FHIT: variants seen among roughly 807,000 people sequenced by gnomAD.
FHIT encodes the protein bis(5'-adenosyl)-triphosphatase.
Under a neutral mutation model 17.9 loss-of-function variants are expected in FHIT, and 19 were observed. That is an observed-to-expected ratio of 1.06 (90% CI 0.74 to 1.56). The LOEUF (loss-of-function observed/expected upper bound fraction) is 1.56. Among genes scored for constraint, FHIT ranks in the 40% most tolerant of loss-of-function variants. FHIT has a pLI of 0.00. For missense variants in FHIT, 248 were observed against 189.2 expected, an observed-to-expected ratio of 1.31 and a Z score of -1.82; for synonymous variants, 81 against 69.7, an observed-to-expected ratio of 1.16 and a Z score of -0.81.
At chr3:60,425,064 T>C (rs1040389066) in intron 5 of FHIT, among the ~76,000 whole-genome samples, 1 of 152,126 alleles carries the variant, frequency 6.6e-6, no homozygotes, top group African/African-American at 2.4e-5. Flanking sequence ...CCACATTAGC[T>C]GAACGTGCCT....
intron 5 of FHIT, among the ~76,000 whole-genome samples, chr3:60,245,116 G>C (rs1047969583): frequency 6.6e-6 from 1 of 152,022 alleles, no homozygotes; most frequent in South Asian, 2.1e-4. Flanking sequence ...CCCTAGGATA[G>C]AGAATATGGA....
intron 5 of FHIT, among the ~76,000 whole-genome samples, chr3:60,276,406 C>G (rs1186425708): frequency 1.3e-5 from 2 of 152,068 alleles, no homozygotes; most frequent in Non-Finnish European, 2.9e-5. Flanking sequence ...AAGCGTTTTT[C>G]TCAAAGCTGA....
chr3:60,560,573 T>C (rs994465860), intron 4 of FHIT, among the ~76,000 whole-genome samples: 2 of 151,960 alleles, frequency 1.3e-5, no homozygotes, highest in South Asian at 4.1e-4. Context: ...TGACATACTA[T>C]CCTGATCTCC....
At chr3:60,211,433 C>A (rs938071062) in intron 5 of FHIT, among the ~76,000 whole-genome samples, 2 of 152,042 alleles carry the variant, frequency 1.3e-5, no homozygotes, top group East Asian at 1.9e-4. Context: ...ATTCTGAAAT[C>A]ATAAATATTC....
intron 8 of FHIT, among the ~76,000 whole-genome samples, chr3:59,827,019 C>T (rs184435003): frequency 7.9e-5 from 12 of 152,286 alleles, no homozygotes; most frequent in African/African-American, 2.6e-4. Context: ...TGGTAAAACT[C>T]AGCTGTCAAT....
At chr3:59,996,512 A>G (rs78179214) in intron 7 of FHIT, among the ~76,000 whole-genome samples, 4,828 of 152,116 alleles carry the variant, frequency 0.032, 116 homozygotes, top group African/African-American at 0.063. Context: ...TCCATGGAAA[A>G]AGTCTGCAGC....
At chr3:60,250,672 G>A (rs183630439) in intron 5 of FHIT, among the ~76,000 whole-genome samples, 8 of 152,238 alleles carry the variant, frequency 5.3e-5, no homozygotes, top group African/African-American at 1.4e-4. Context: ...GGAACCTGTT[G>A]TAATTAAGTA....
chr3:60,765,143 T>C (rs1426708593), intron 4 of FHIT, among the ~76,000 whole-genome samples: 2 of 152,120 alleles, frequency 1.3e-5, no homozygotes, highest in African/African-American at 4.8e-5. Flanking sequence ...CAAGAAGGCT[T>C]CTAAATATGC....
intron 5 of FHIT, among the ~76,000 whole-genome samples, chr3:60,023,021 C>T (rs1242094549): frequency 2.0e-5 from 3 of 152,050 alleles, no homozygotes; most frequent in African/African-American, 7.2e-5. Flanking sequence ...AAGAGTCTGT[C>T]CACAATGTGT....
chr3:60,050,585 G>T (rs1479605814), intron 5 of FHIT, among the ~76,000 whole-genome samples: 2 of 142,058 alleles, frequency 1.4e-5, no homozygotes, highest in Non-Finnish European at 3.1e-5. Flanking sequence ...GACCTCTACT[G>T]CAAGCCCTTT....
chr3:61,022,897 G>A (rs1235102255), intron 3 of FHIT, among the ~76,000 whole-genome samples: 1 of 152,144 alleles, frequency 6.6e-6, no homozygotes, highest in Non-Finnish European at 1.5e-5. Flanking sequence ...CCCACCAAAT[G>A]AGCAAAAGCT....
At chr3:59,978,728 A>C (rs879696382) in intron 7 of FHIT, among the ~76,000 whole-genome samples, 14 of 150,848 alleles carry the variant, frequency 9.3e-5, no homozygotes, top group Non-Finnish European at 1.8e-4. Context: ...TGGAGGTTTC[A>C]AAGTGTCCCT....
intron 5 of FHIT, among the ~76,000 whole-genome samples, chr3:60,442,518 G>A (rs140069355): frequency 6.6e-5 from 10 of 152,078 alleles, no homozygotes; most frequent in East Asian, 5.8e-4. Flanking sequence ...AGCACCATTT[G>A]TTAAATAGGG....
intron 8 of FHIT, among the ~76,000 whole-genome samples, chr3:59,753,265 T>C (rs1394556980): frequency 6.6e-6 from 1 of 152,052 alleles, no homozygotes; most frequent in Non-Finnish European, 1.5e-5. Flanking sequence ...AGGGAAACAG[T>C]AAAAAAGAGA....
Position 60,433,270 on chromosome 3 carries a change from G to A in FHIT, c.103+103590C>T, listed in dbSNP as rs554112500. ...GTGAATAATGTTCATATATATATAT[G>A]TGGGGGGTGTACTATACATGTATAT... On this transcript the variant is annotated intron_variant, in intron 5 of 9. Coordinates refer to ENST00000492590, the MANE Select transcript of FHIT (RefSeq NM_002012.4). Among the ~76,000 whole-genome samples, 14 of 151,908 alleles carry A rather than the reference G, an allele frequency of 9.2e-5. No homozygotes were observed. The East Asian group carries it at 2.5e-3, about 27-fold the overall frequency.
intron 4 of FHIT, among the ~76,000 whole-genome samples, chr3:60,794,185 G>A (rs1266588506): frequency 6.6e-6 from 1 of 151,758 alleles, no homozygotes; most frequent in Non-Finnish European, 1.5e-5. Context: ...CATATACTAT[G>A]TATCTATTTA....
chr3:59,986,371 C>A (rs1365849454), intron 7 of FHIT, among the ~76,000 whole-genome samples: 2 of 150,522 alleles, frequency 1.3e-5, no homozygotes, highest in African/African-American at 4.9e-5. Context: ...GTCTTTTCTC[C>A]AACTCGATTT....
intron 5 of FHIT, among the ~76,000 whole-genome samples, chr3:60,418,376 GTATATATATATATATA>G (rs869203310): frequency 1.7e-3 from 26 of 14,938 alleles, no homozygotes; most frequent in African/African-American, 5.4e-3. Context: ...CTGAATGTGT[GTATATATATATATATA>G]TATATATATA....
intron 2 of FHIT, among the ~76,000 whole-genome samples, chr3:61,157,685 T>C (rs980945098): frequency 3.3e-5 from 5 of 152,212 alleles, no homozygotes; most frequent in African/African-American, 1.2e-4. Flanking sequence ...TTATGCCTTG[T>C]TCTGAGTATT....
Sources: allele counts gnomAD v4.1 joint callset (sites outside exome capture counted in the v4.1 genomes callset), GRCh38; gene constraint gnomAD v4.1.1; transcripts MANE v1.5; gene names NCBI Gene and HGNC (gene_info 2026-07-23, HGNC 2026-07-21).